Variants in FGGY observed in about 807,000 individuals in gnomAD.
The protein encoded by FGGY is FGGY carbohydrate kinase domain containing.
FGGY carries 72 observed loss-of-function variants against 71.3 expected under a neutral mutation model. That is an observed-to-expected ratio of 1.01 (90% CI 0.84 to 1.23). The LOEUF (loss-of-function observed/expected upper bound fraction) is 1.23. Among genes scored for constraint, FGGY ranks in the 50% most tolerant of loss-of-function variants. The pLI is 0.00. For synonymous variants in FGGY, 251 were observed against 250.3 expected, an observed-to-expected ratio of 1.00 and a Z score of -0.02; for missense variants, 668 against 682.3, an observed-to-expected ratio of 0.98 and a Z score of 0.23.
At chr1:59,564,978 C>T (rs1055939895) in intron 8 of FGGY, among the ~76,000 whole-genome samples, 14 of 152,160 alleles carry the variant, frequency 9.2e-5, no homozygotes, top group South Asian at 6.2e-4. Flanking sequence ...AAGTAGAGGA[C>T]GAAAATGGTG....
intron 5 of FGGY, among the ~76,000 whole-genome samples, chr1:59,384,221 G>A (rs1006612663): frequency 6.0e-5 from 9 of 151,056 alleles, no homozygotes; most frequent in South Asian, 2.1e-4. Flanking sequence ...TAATCATCCC[G>A]TTCCCCCACC....
intron 14 of FGGY, among the ~76,000 whole-genome samples, chr1:59,730,566 C>G (rs1224023912): frequency 6.6e-6 from 1 of 152,162 alleles, no homozygotes; most frequent in African/African-American, 2.4e-5. Flanking sequence ...AGTCATTGAG[C>G]ATATTGTTAT....
chr1:59,692,950 A>G (rs187808264), intron 14 of FGGY, among the ~76,000 whole-genome samples: 10 of 152,334 alleles, frequency 6.6e-5, no homozygotes, highest in African/African-American at 2.2e-4. Flanking sequence ...TGAGCCTCAC[A>G]TCTGCCCGTG....
At chr1:59,623,357 T>C (rs2096828164) in intron 9 of FGGY, among the ~76,000 whole-genome samples, 1 of 152,182 alleles carries the variant, frequency 6.6e-6, no homozygotes, top group South Asian at 2.1e-4. Flanking sequence ...ATCCTTATTT[T>C]CACCAGTTTA....
intron 10 of FGGY, among the ~76,000 whole-genome samples, chr1:59,628,925 G>A (rs992847010): frequency 1.3e-5 from 2 of 152,132 alleles, no homozygotes; most frequent in African/African-American, 4.8e-5. Flanking sequence ...CATTTCATAA[G>A]GTTGTTGAGA....
At chr1:59,515,401 G>GACTT (rs2094618006) in intron 7 of FGGY, among the ~76,000 whole-genome samples, 1 of 152,130 alleles carries the variant, frequency 6.6e-6, no homozygotes. Context: ...TCTCAGATGA[G>GACTT]ACTTTGGACT....
intron 7 of FGGY, among the ~76,000 whole-genome samples, chr1:59,530,038 T>G (rs948333163): frequency 1.5e-4 from 23 of 152,224 alleles, no homozygotes; most frequent in African/African-American, 5.1e-4. Flanking sequence ...AATAACTTGT[T>G]AACTTCAAGG....
chr1:59,422,803 C>T (rs1307912537), intron 5 of FGGY, among the ~76,000 whole-genome samples: 1 of 151,736 alleles, frequency 6.6e-6, no homozygotes, highest in Non-Finnish European at 1.5e-5. Context: ...AAAGGAAAGA[C>T]AGGAAAAGGA....
intron 8 of FGGY, among the ~76,000 whole-genome samples, chr1:59,573,891 T>G (rs549974270): frequency 2.0e-5 from 3 of 152,348 alleles, no homozygotes; most frequent in African/African-American, 7.2e-5. Context: ...AATTTAACAC[T>G]CAAGCTAAAC....
intron 5 of FGGY, among the ~76,000 whole-genome samples, chr1:59,442,749 G>A (rs74084809): frequency 0.017 from 2,574 of 152,202 alleles, 58 homozygotes; most frequent in African/African-American, 0.051. Flanking sequence ...ACTTATGGCC[G>A]TTGTCATGAT....
intron 7 of FGGY, among the ~76,000 whole-genome samples, chr1:59,549,448 A>G (rs146445897): frequency 1.3e-5 from 2 of 152,384 alleles, no homozygotes; most frequent in East Asian, 1.9e-4. Flanking sequence ...TGAAAATCCT[A>G]GTTGAGTCCA....
chr1:59,529,001 G>A (rs986758439), intron 7 of FGGY, among the ~76,000 whole-genome samples: 1 of 152,178 alleles, frequency 6.6e-6, no homozygotes, highest in Non-Finnish European at 1.5e-5. Context: ...TGATTATATA[G>A]CTGTCTGTCC....
intron 5 of FGGY, among the ~76,000 whole-genome samples, chr1:59,440,539 G>A (rs772171078): frequency 7.9e-5 from 12 of 151,544 alleles, no homozygotes; most frequent in Non-Finnish European, 1.3e-4. Flanking sequence ...AGATATTTAT[G>A]TATGTGGTAG....
At chr1:59,683,317 C>A (rs2097519752) in intron 14 of FGGY, among the ~76,000 whole-genome samples, 1 of 152,184 alleles carries the variant, frequency 6.6e-6, no homozygotes, top group Non-Finnish European at 1.5e-5. Context: ...AAAGTCCATG[C>A]CCCTCACTGT....
chr1:59,430,348 C>T (rs1243684644), intron 5 of FGGY, among the ~76,000 whole-genome samples: 2 of 152,120 alleles, frequency 1.3e-5, no homozygotes, highest in Admixed American at 6.6e-5. Flanking sequence ...ACATTTTGGT[C>T]CAAACCACCC....
rs1392287651 is a variant in FGGY at position 59,346,369 on chromosome 1, C to T, written c.436C>T (p.Gln146Ter). ...YVGGVMSVEMQAPKLLWLKEN... is the reference protein window; with the variant it reads ...YVGGVMSVEM ...CGGGGGGGTGATGTCTGTGGAAATG[C>T]AGGCCCCGAAACTTCTGTGGCTGAA... Residue 146 changes from glutamine to a stop codon, truncating the protein, a stop_gained, in exon 4 of 16, where the codon CAG becomes TAG. Coordinates refer to ENST00000303721, the MANE Select transcript of FGGY (RefSeq NM_018291.5). LOFTEE classifies it high-confidence loss of function. 2 of 1,611,406 alleles carry T rather than the reference C, an allele frequency of 1.2e-6. No homozygotes were observed.
intron 7 of FGGY, among the ~76,000 whole-genome samples, chr1:59,523,794 A>T (rs2094901038): frequency 6.6e-6 from 1 of 152,254 alleles, no homozygotes; most frequent in Non-Finnish European, 1.5e-5. Flanking sequence ...TAAGATAGTT[A>T]AAAACACACT....
At chr1:59,370,315 G>GATGAAATGA (rs1415391432) in intron 4 of FGGY, among the ~76,000 whole-genome samples, 1 of 152,084 alleles carries the variant, frequency 6.6e-6, no homozygotes, top group Non-Finnish European at 1.5e-5. Flanking sequence ...AGCGATGGAA[G>GATGAAATGA]ATGAAATGAA....
Position 59,407,801 on chromosome 1 carries a change from T to C in FGGY, c.554+28964T>C, listed in dbSNP as rs77213855. ...AGCCATGGCTGCACCCCCTGAAGTG[T>C]GGATTAACAGAAAGGCCTTCAGAGC... On this transcript the variant is annotated intron_variant, in intron 5 of 15. Coordinates refer to ENST00000303721, the MANE Select transcript of FGGY (RefSeq NM_018291.5). Among the ~76,000 whole-genome samples, 569 of 152,246 alleles carry C rather than the reference T, an allele frequency of 3.7e-3. 14 individuals are homozygous for C. In the East Asian group the frequency reaches 0.054, roughly 15 times the overall value.
Sources: allele counts gnomAD v4.1 joint callset (sites outside exome capture counted in the v4.1 genomes callset), GRCh38; gene constraint gnomAD v4.1.1; transcripts MANE v1.5; gene names NCBI Gene and HGNC (gene_info 2026-07-23, HGNC 2026-07-21).